Variants in PCDH9 observed in about 807,000 individuals in gnomAD.
PCDH9 encodes the protein protocadherin-9.
In PCDH9, 24 loss-of-function variants were observed where a neutral mutation model predicts 70.6. The observed-to-expected ratio is 0.34, with a 90% confidence interval of 0.25 to 0.48. The LOEUF is 0.48. PCDH9 is among the 20% of genes least tolerant of loss of function. The probability of loss-of-function intolerance (pLI) is 0.99; values close to 1 mark genes in which losing one functional copy is unlikely to be tolerated. For synonymous variants in PCDH9, 562 were observed against 558.5 expected (o/e 1.01, Z -0.09); for missense variants, 1,281 against 1,503.6 (o/e 0.85, Z 2.45).
chr13:66,790,518 A>C (rs1419964692), intron 3 of PCDH9, among the ~76,000 whole-genome samples: 1 of 151,994 alleles, frequency 6.6e-6, no homozygotes, highest in Non-Finnish European at 1.5e-5. Flanking sequence ...ATATTTCTAT[A>C]TTGTCTTCTT....
At chr13:67,179,139 G>A (rs183344545) in intron 2 of PCDH9, among the ~76,000 whole-genome samples, 26 of 152,092 alleles carry the variant, frequency 1.7e-4, no homozygotes, top group African/African-American at 6.3e-4. Flanking sequence ...CCTAGGCACT[G>A]TGTTGGGTTG....
chr13:66,426,956 T>C (rs1957681871), intron 4 of PCDH9, among the ~76,000 whole-genome samples: 1 of 151,582 alleles, frequency 6.6e-6, no homozygotes, highest in South Asian at 2.1e-4. Flanking sequence ...TGATTTTAAA[T>C]ATTGAATTTG....
intron 4 of PCDH9, among the ~76,000 whole-genome samples, chr13:66,539,760 AT>A (rs559473061): frequency 3.3e-5 from 5 of 151,348 alleles, no homozygotes; most frequent in South Asian, 4.2e-4. Context: ...AACATTTACA[AT>A]TTTTTTTGCC....
chr13:66,686,822 A>G (rs1349518797), intron 3 of PCDH9, among the ~76,000 whole-genome samples: 2 of 152,188 alleles, frequency 1.3e-5, no homozygotes, highest in African/African-American at 2.4e-5. Flanking sequence ...TGGGCAGGGC[A>G]CAGGACTAGA....
intron 2 of PCDH9, among the ~76,000 whole-genome samples, chr13:67,100,180 A>G (rs1037079790): frequency 6.6e-6 from 1 of 152,222 alleles, no homozygotes; most frequent in African/African-American, 2.4e-5. Flanking sequence ...CAGCTGACCC[A>G]TAACATATTA....
At chr13:66,938,658 T>A in intron 2 of PCDH9, among the ~76,000 whole-genome samples, 1 of 152,188 alleles carries the variant, frequency 6.6e-6, no homozygotes, top group Admixed American at 6.5e-5. Context: ...GGAAATTTAT[T>A]TCCTTCTTAG....
intron 4 of PCDH9, among the ~76,000 whole-genome samples, chr13:66,361,166 C>T (rs1435239297): frequency 6.6e-6 from 1 of 152,048 alleles, no homozygotes; most frequent in Admixed American, 6.6e-5. Context: ...TCTACGGACC[C>T]ACAATGACTT....
At chr13:66,542,481 A>G (rs1432520086) in intron 4 of PCDH9, among the ~76,000 whole-genome samples, 1 of 151,764 alleles carries the variant, frequency 6.6e-6, no homozygotes, top group African/African-American at 2.4e-5. Flanking sequence ...AAAAACTAGA[A>G]TTTTCTGGGA....
intron 3 of PCDH9, among the ~76,000 whole-genome samples, chr13:66,723,097 CA>C (rs1489875168): frequency 6.6e-6 from 1 of 151,986 alleles, no homozygotes. Flanking sequence ...AATCCTCCCA[CA>C]TTTTTTTTTG....
At chr13:66,970,644 C>CAA (rs67043290) in intron 2 of PCDH9, among the ~76,000 whole-genome samples, 16 of 117,070 alleles carry the variant, frequency 1.4e-4, no homozygotes, top group African/African-American at 4.8e-4. Context: ...AAAAAAAAAG[C>CAA]AAAAAAAAAA....
intron 4 of PCDH9, among the ~76,000 whole-genome samples, chr13:66,433,518 C>A (rs976407548): frequency 6.0e-5 from 9 of 150,276 alleles, no homozygotes; most frequent in South Asian, 2.1e-4. Context: ...CTAATATGAA[C>A]AATTCAGATC....
chr13:66,569,586 T>C (rs1227909921), intron 4 of PCDH9, among the ~76,000 whole-genome samples: 3 of 152,178 alleles, frequency 2.0e-5, no homozygotes, highest in African/African-American at 7.2e-5. Context: ...TAGGATACCA[T>C]ACAAGCCATT....
At chr13:66,798,151 A>T (rs1346558927) in intron 3 of PCDH9, among the ~76,000 whole-genome samples, 1 of 152,124 alleles carries the variant, frequency 6.6e-6, no homozygotes, top group Non-Finnish European at 1.5e-5. Flanking sequence ...AAATATGGGC[A>T]TTAAATATTT....
intron 4 of PCDH9, among the ~76,000 whole-genome samples, chr13:66,501,915 G>A (rs922476091): frequency 6.6e-6 from 1 of 152,116 alleles, no homozygotes; most frequent in Non-Finnish European, 1.5e-5. Flanking sequence ...AAGACTAAGA[G>A]GGTGGGTATA....
intron 4 of PCDH9, among the ~76,000 whole-genome samples, chr13:66,519,194 T>C (rs1171690135): frequency 1.3e-5 from 2 of 152,084 alleles, no homozygotes; most frequent in African/African-American, 2.4e-5. Flanking sequence ...GTGGTGATAG[T>C]AGTGCATTCC....
At chr13:67,035,578 A>T (rs868672197) in intron 2 of PCDH9, among the ~76,000 whole-genome samples, 1 of 148,930 alleles carries the variant, frequency 6.7e-6, no homozygotes, top group Admixed American at 6.7e-5. Context: ...AATTTAAATG[A>T]TATAGTATAA....
intron 2 of PCDH9, among the ~76,000 whole-genome samples, chr13:66,980,959 T>C (rs985631718): frequency 8.5e-5 from 13 of 152,080 alleles, no homozygotes; most frequent in Non-Finnish European, 1.8e-4. Flanking sequence ...CTATATTCAT[T>C]TTATCATAGT....
At chr13:66,934,576 A>C (rs1486543275) in intron 2 of PCDH9, among the ~76,000 whole-genome samples, 1 of 104,570 alleles carries the variant, frequency 9.6e-6, no homozygotes, top group Admixed American at 8.8e-5. Flanking sequence ...AAAATACAAA[A>C]ACTCCTTGAA....
At chr13:66,619,741 C>G (rs889781508) in intron 4 of PCDH9, among the ~76,000 whole-genome samples, 1 of 152,120 alleles carries the variant, frequency 6.6e-6, no homozygotes, top group African/African-American at 2.4e-5. Context: ...AAAAATCCAC[C>G]ATTAACTATG....
Sources: allele counts gnomAD v4.1 joint callset (sites outside exome capture counted in the v4.1 genomes callset), GRCh38; gene constraint gnomAD v4.1.1; transcripts MANE v1.5; gene names NCBI Gene and HGNC (gene_info 2026-07-23, HGNC 2026-07-21).